Variants in TANC2 observed in about 807,000 individuals in gnomAD.
TANC2 encodes protein TANC2.
A neutral mutation model predicts 210.5 loss-of-function variants in TANC2; 26 were observed. The ratio of observed to expected loss-of-function variants is 0.12; its 90% CI spans 0.09 to 0.17. The LOEUF (loss-of-function observed/expected upper bound fraction) is 0.17, where lower values mean the gene tolerates loss of function less well. TANC2 is among the 10% of genes least tolerant of loss of function. TANC2 has a pLI of 1.00. For missense variants in TANC2, 2,129 were observed against 2,608.9 expected (o/e 0.82, Z 4.01); for synonymous variants, 931 against 967.1 (o/e 0.96, Z 0.69).
chr17:63,216,105 A>G (rs1004619025), intron 7 of TANC2, among the ~76,000 whole-genome samples: 10 of 150,638 alleles, frequency 6.6e-5, no homozygotes, highest in Admixed American at 3.3e-4. Flanking sequence ...CTGGAGTGCA[A>G]TGGTGCGATC....
chr17:63,275,906 G>T (rs1452762603), intron 9 of TANC2, among the ~76,000 whole-genome samples: 1 of 152,068 alleles, frequency 6.6e-6, no homozygotes, highest in Admixed American at 6.6e-5. Context: ...AAAATGCCTT[G>T]AGTGCAGTAA....
chr17:63,161,045 C>T (rs199950707), intron 5 of TANC2, among the ~76,000 whole-genome samples: 10 of 152,124 alleles, frequency 6.6e-5, no homozygotes, highest in East Asian at 5.8e-4. Flanking sequence ...GCTTGCCAAA[C>T]GAAAAAGGAT....
At chr17:63,308,757 C>T (rs1390381685) in intron 9 of TANC2, among the ~76,000 whole-genome samples, 1 of 152,126 alleles carries the variant, frequency 6.6e-6, no homozygotes, top group Non-Finnish European at 1.5e-5. Context: ...TAGTTATATT[C>T]ACCCATGCAT....
chr17:63,032,430 G>T (rs1222909164), intron 2 of TANC2, among the ~76,000 whole-genome samples: 1 of 151,996 alleles, frequency 6.6e-6, no homozygotes, highest in Admixed American at 6.6e-5. Context: ...AGTTTTTAAA[G>T]GGCACTTCCC....
chr17:63,276,713 A>G (rs2043886336), intron 9 of TANC2, among the ~76,000 whole-genome samples: 1 of 152,144 alleles, frequency 6.6e-6, no homozygotes, highest in African/African-American at 2.4e-5. Flanking sequence ...AATAGAAGGC[A>G]ATGGACTTTT....
At chr17:63,057,100 C>CTG (rs1568350558) in intron 2 of TANC2, among the ~76,000 whole-genome samples, 1 of 151,840 alleles carries the variant, frequency 6.6e-6, no homozygotes, top group Non-Finnish European at 1.5e-5. Flanking sequence ...GTAGCTGGGA[C>CTG]TACAGGTACA....
At chr17:63,260,341 A>G (rs1340707061) in intron 8 of TANC2, among the ~76,000 whole-genome samples, 4 of 152,256 alleles carry the variant, frequency 2.6e-5, no homozygotes, top group Non-Finnish European at 5.9e-5. Context: ...CACATGGCCT[A>G]TATCACTACT....
chr17:63,008,071 G>A (rs996057009), intron 1 of TANC2, among the ~76,000 whole-genome samples: 1 of 138,784 alleles, frequency 7.2e-6, no homozygotes, highest in African/African-American at 2.7e-5. Flanking sequence ...TCAGTCTGTT[G>A]ATTCTTGCTA....
chr17:63,176,722 C>T lies in TANC2; in HGVS notation c.434-17269C>T, dbSNP rs570879528. On this transcript the variant is annotated intron_variant, in intron 5 of 27. Transcript: ENST00000689528. ...TCAGGAGGCTGAGGCAGGAGAATGG[C>T]CTGAACCCGGGAGGCGGAGCTTGCA... Among the ~76,000 whole-genome samples, 24 of 150,462 alleles carry T rather than the reference C, an allele frequency of 1.6e-4. No homozygotes were observed. The South Asian group carries it at 5.1e-3, about 32-fold the overall frequency.
At chr17:62,984,393 T>G (rs114449755) in intron 1 of TANC2, among the ~76,000 whole-genome samples, 46 of 152,198 alleles carry the variant, frequency 3.0e-4, no homozygotes, top group African/African-American at 1.1e-3. Context: ...TCAATTTTGT[T>G]TCTGTTTTCA....
At chr17:63,146,703 ATTAT>A (rs2039473676) in intron 4 of TANC2, among the ~76,000 whole-genome samples, 1 of 152,116 alleles carries the variant, frequency 6.6e-6, no homozygotes, top group South Asian at 2.1e-4. Context: ...TACCTCAGTA[ATTAT>A]TTATTATTTT....
At chr17:63,337,425 A>G (rs557221534) in intron 11 of TANC2, among the ~76,000 whole-genome samples, 10 of 151,800 alleles carry the variant, frequency 6.6e-5, no homozygotes, top group African/African-American at 1.5e-4. Context: ...CTTGAACTCT[A>G]TTAATTCTAA....
intron 1 of TANC2, among the ~76,000 whole-genome samples, chr17:62,988,188 T>C (rs531667067): frequency 6.6e-6 from 1 of 152,084 alleles, no homozygotes; most frequent in Admixed American, 6.5e-5. Flanking sequence ...AGTGCAGTGG[T>C]GCAATCTCAG....
chr17:63,041,270 T>C (rs1224988807), intron 2 of TANC2, among the ~76,000 whole-genome samples: 34 of 152,196 alleles, frequency 2.2e-4, no homozygotes, highest in Admixed American at 2.2e-3. Context: ...TGAGATTTTT[T>C]ATGTCAAGTT....
chr17:63,358,352 TGAGAGAGA>T (rs5821386), intron 14 of TANC2, among the ~76,000 whole-genome samples: 78 of 138,044 alleles, frequency 5.7e-4, no homozygotes, highest in African/African-American at 9.4e-4. Context: ...GTGAGTAGAG[TGAGAGAGA>T]GAGAGAGAGA....
At chr17:63,393,776 ATT>A (rs58388281) in intron 17 of TANC2, among the ~76,000 whole-genome samples, 17 of 124,112 alleles carry the variant, frequency 1.4e-4, no homozygotes, top group African/African-American at 1.9e-4. Flanking sequence ...TATTATTATT[ATT>A]TTTTTTTTTT....
intron 6 of TANC2, among the ~76,000 whole-genome samples, chr17:63,199,104 G>C (rs1027652102): frequency 7.9e-5 from 12 of 152,254 alleles, no homozygotes; most frequent in Non-Finnish European, 2.9e-5. Context: ...ACAAGGGACT[G>C]CATCTAGGAA....
intron 1 of TANC2, among the ~76,000 whole-genome samples, chr17:62,991,907 GT>G (rs2032890084): frequency 6.6e-6 from 1 of 152,062 alleles, no homozygotes; most frequent in East Asian, 1.9e-4. Context: ...GTGGAGGGGA[GT>G]TTTACGCACG....
At chr17:63,394,444 C>T (rs2048090138) in intron 17 of TANC2, among the ~76,000 whole-genome samples, 1 of 152,202 alleles carries the variant, frequency 6.6e-6, no homozygotes, top group Admixed American at 6.5e-5. Context: ...AACCATTTCT[C>T]CAAGGAGCCA....
Sources: gnomAD v4.1 joint callset for allele counts (sites outside exome capture counted in the v4.1 genomes callset) on GRCh38, gnomAD v4.1.1 for gene constraint, MANE v1.5 for transcripts, NCBI Gene and HGNC (gene_info 2026-07-23, HGNC 2026-07-21) for gene names.